Variants in NEMF observed in about 807,000 individuals in gnomAD.
The protein encoded by NEMF is nuclear export mediator factor.
A neutral mutation model predicts 162.2 loss-of-function variants in NEMF; 89 were observed. That is an observed-to-expected ratio of 0.55 (90% confidence interval 0.46 to 0.65). The LOEUF (loss-of-function observed/expected upper bound fraction) is 0.65. Among genes scored for constraint, NEMF ranks in the 30% least tolerant of loss-of-function variants. The pLI is 0.00. For synonymous variants in NEMF, 421 were observed against 404.5 expected (o/e 1.04, Z -0.49); for missense variants, 1,133 against 1,261.9 (o/e 0.90, Z 1.55).
intron 11 of NEMF, 70 bp from the exon 12 acceptor site, chr14:49,829,496 C>G: frequency 8.2e-7 from 1 of 1,226,236 alleles, no homozygotes; most frequent in Non-Finnish European, 1.2e-6. Flanking sequence ...CTCTTACTTC[C>G]CAACACTCAC....
chr14:49,838,679 G>T (rs1016745575), intron 5 of NEMF, among the ~76,000 whole-genome samples: 2 of 151,080 alleles, frequency 1.3e-5, no homozygotes, highest in Non-Finnish European at 2.9e-5. Context: ...CCGCCTCCTG[G>T]GTTCACGCCA....
Position 49,782,811 on chromosome 14 carries a change from T to G in NEMF, c.*1825A>C, listed in dbSNP as rs958708753. The G allele has an allele frequency of 2.5e-6, 4 of 1,606,612 alleles. No homozygotes were observed. Among genetic ancestry groups the G allele is most frequent in the Non-Finnish European group, 3.4e-6 (4 of 1,177,268 alleles). On this transcript the variant is annotated 3_prime_UTR_variant, in exon 33 of 33. Coordinates refer to ENST00000298310, the MANE Select transcript of NEMF (RefSeq NM_004713.6). ...ACAGTAAAGTGAAATTACTTTTCTCTTTCCTTGTCCACTTTCAGGCTAAGC... is the reference window on the plus strand; with the variant it reads ...ACAGTAAAGTGAAATTACTTTTCTCGTTCCTTGTCCACTTTCAGGCTAAGC...
intron 28 of NEMF, among the ~76,000 whole-genome samples, chr14:49,787,503 CAGGG>C (rs1453499715): frequency 6.6e-6 from 1 of 151,984 alleles, no homozygotes; most frequent in Non-Finnish European, 1.5e-5. Context: ...CTGGGCAACA[CAGGG>C]AGACCTCATC....
rs373601628 is a variant in NEMF at position 49,806,092 on chromosome 14, T to C, written c.1786A>G (p.Met596Val). The change falls in exon 19 of 33, where the codon ATG (methionine) becomes GTG (valine). Residue 596 changes from methionine (M) to valine (V), a missense_variant. Around this residue, in one of 3 missense-constraint regions of NEMF, gnomAD observed 532 missense variants for 578.6 expected, o/e 0.92. Coordinates refer to ENST00000298310, the MANE Select transcript of NEMF (RefSeq NM_004713.6). ...CAAGCAGCACTGTAGCAAAGTGCCATTGTGCCAGCTTCAGTCAAGGTCCGT... is the reference window on the plus strand; with the variant it reads ...CAAGCAGCACTGTAGCAAAGTGCCACTGTGCCAGCTTCAGTCAAGGTCCGT... ...PPRTLTEAGTMALCYSAAWDA... is the reference protein window; with the variant it reads ...PPRTLTEAGTVALCYSAAWDA... The C allele has an allele frequency of 1.2e-6, 2 of 1,612,400 alleles. No individual in the cohort carries two copies. The highest frequency in any genetic ancestry group is 2.7e-5 in the African/African-American group (2 of 74,456).
rs1002245521 is a variant in NEMF, at chr14:49,830,138, A to C, written c.946-712T>G. 4.6e-5 allele frequency among the ~76,000 whole-genome samples: 7 copies of C among 152,342 alleles called. No individual in the cohort carries two copies. In the East Asian group the frequency reaches 9.6e-4, roughly 21 times the overall value. ...ATATCATCAATTAATGAGTATTTAAATGCTAGATGAAATATTTTTTAAAAT... is the reference window on the plus strand; with the variant it reads ...ATATCATCAATTAATGAGTATTTAACTGCTAGATGAAATATTTTTTAAAAT... On this transcript the variant is annotated intron_variant, in intron 11 of 32. Coordinates refer to ENST00000298310, the MANE Select transcript of NEMF (RefSeq NM_004713.6).
At chr14:49,795,365 T>TGGGGGGGGGGGGG (rs1355656747) in intron 26 of NEMF, among the ~76,000 whole-genome samples, 1 of 26,762 alleles carries the variant, frequency 3.7e-5, no homozygotes, top group African/African-American at 1.4e-4. Context: ...GGTTGGGGGG[T>TGGGGGGGGGGGGG]GGGGAGGTGG....
At chr14:49,828,909 G>T in intron 13 of NEMF, 102 bp from the exon 14 acceptor site, 1 of 1,271,796 alleles carries the variant, frequency 7.9e-7, no homozygotes, top group Non-Finnish European at 1.1e-6. Flanking sequence ...AGTACTGGAA[G>T]TTTCATTATT....
intron 16 of NEMF, among the ~76,000 whole-genome samples, chr14:49,819,773 T>G (rs963507778): frequency 3.3e-5 from 5 of 152,144 alleles, no homozygotes; most frequent in Non-Finnish European, 7.4e-5. Flanking sequence ...TTGATGTCCC[T>G]GAGGTAGAGC....
chr14:49,795,660 T>A (rs1028071469), intron 26 of NEMF, 131 bp downstream of exon 26: 1 of 784,800 alleles, frequency 1.3e-6, no homozygotes, highest in Non-Finnish European at 2.0e-6. Flanking sequence ...TCTACTCAAC[T>A]AATTTTTAGT....
chr14:49,796,474 A>ATT, intron 25 of NEMF: 18 of 246,330 alleles, frequency 7.3e-5, no homozygotes, highest in South Asian at 1.2e-4. Context: ...CATACTCTGA[A>ATT]TTTTTTTTTT....
At position 49,784,501 on chromosome 14, in the gene NEMF, T is replaced by C; in HGVS notation, c.*135A>G. On this transcript the variant is annotated 3_prime_UTR_variant, in exon 33 of 33. Transcript: ENST00000298310. Reference sequence around the variant, plus strand: ...CTGGGAAAAAACAAGAAGTAAGTCCTTTTGGTGAATATAGCAAGGCAATGT... The same window carrying C: ...CTGGGAAAAAACAAGAAGTAAGTCCCTTTGGTGAATATAGCAAGGCAATGT... 1 of 623,086 alleles carries C rather than the reference T, an allele frequency of 1.6e-6. No individual in the cohort carries two copies. The highest frequency in any genetic ancestry group is 2.8e-6 in the Non-Finnish European group (1 of 358,050). 38.6% of individuals were successfully genotyped at this position (623,086 alleles called of 1,614,324 possible). A position where few individuals can be genotyped will look rare whatever the true frequency, so the allele number is the denominator to read the frequency against.
intron 4 of NEMF, among the ~76,000 whole-genome samples, chr14:49,845,015 C>T (rs991922093): frequency 2.0e-5 from 3 of 152,092 alleles, no homozygotes; most frequent in East Asian, 1.9e-4. Flanking sequence ...GTGATCCACT[C>T]GCCTTGGCCT....
chr14:49,843,724 C>G (rs1286856370), intron 4 of NEMF, among the ~76,000 whole-genome samples: 2 of 152,138 alleles, frequency 1.3e-5, no homozygotes, highest in Non-Finnish European at 2.9e-5. Context: ...ATACTGTAGT[C>G]AACTGTAATA....
Position 49,828,337 on chromosome 14 carries a change from C to T in NEMF, c.1442G>A (p.Arg481Lys), listed in dbSNP as rs1892464317. ...ANAKKYYDHKRYAAKKTQKTV... is the reference protein window; with the variant it reads ...ANAKKYYDHKKYAAKKTQKTV... ...CTTTTGTGTTTTCTTAGCAGCATAT[C>T]TCTTGTGATCATAATACCTAGAAAA... The change falls in exon 15 of 33, where the codon AGA (arginine) becomes AAA (lysine). Residue 481 changes from arginine to lysine, a missense_variant. Physicochemically the swap from Arg to Lys is conservative, Grantham distance 26. Coordinates refer to ENST00000298310, the MANE Select transcript of NEMF (RefSeq NM_004713.6). 1 of 1,592,706 alleles carries T rather than the reference C, an allele frequency of 6.3e-7. No homozygotes were observed. The highest frequency in any genetic ancestry group is 1.3e-5 in the African/African-American group (1 of 74,160).
intron 16 of NEMF, among the ~76,000 whole-genome samples, chr14:49,825,398 G>A (rs775896930): frequency 3.3e-5 from 5 of 152,148 alleles, no homozygotes; most frequent in African/African-American, 4.8e-5. Context: ...AACTAAAAGA[G>A]CTAAAAGTGG....
intron 18 of NEMF, among the ~76,000 whole-genome samples, chr14:49,809,316 C>G (rs917629339): frequency 2.0e-5 from 3 of 151,994 alleles, no homozygotes; most frequent in Admixed American, 2.0e-4. Flanking sequence ...ATCCAGACAA[C>G]TGAATATTAT....
chr14:49,799,407 TAGCTG>T (rs986801320), intron 25 of NEMF, 63 bp downstream of exon 25: 56 of 1,294,014 alleles, frequency 4.3e-5, no homozygotes, highest in Middle Eastern at 5.2e-4. Flanking sequence ...TAATCTGTGG[TAGCTG>T]AGCTATCAAT....
At position 49,782,620 on chromosome 14, in the gene NEMF, A is replaced by T; in HGVS notation, c.*2016T>A. On this transcript the variant is annotated 3_prime_UTR_variant, in exon 33 of 33. Coordinates refer to ENST00000298310, the MANE Select transcript of NEMF (RefSeq NM_004713.6). ...GTAAGTAACTTTGTACTTGGCACTTAGATTATTTAAAATTGTGTTTCCTAA... is the reference window on the plus strand; with the variant it reads ...GTAAGTAACTTTGTACTTGGCACTTTGATTATTTAAAATTGTGTTTCCTAA... The T allele has an allele frequency of 6.4e-7, 1 of 1,560,326 alleles. No homozygotes were observed. Among genetic ancestry groups the T allele is most frequent in the African/African-American group, 1.4e-5 (1 of 73,050 alleles).
At chr14:49,852,611 T>G in intron 1 of NEMF, 84 bp downstream of exon 1, 1 of 1,443,586 alleles carries the variant, frequency 6.9e-7, no homozygotes, top group East Asian at 2.3e-5. Context: ...AGGAAACATA[T>G]CAAGCTGGTC....
Sources: gnomAD v4.1 joint callset for allele counts (sites outside exome capture counted in the v4.1 genomes callset) on GRCh38, gnomAD v4.1.1 for gene constraint, gnomAD v4.1.1 regional missense constraint, MANE v1.5 for transcripts, NCBI Gene and HGNC (gene_info 2026-07-23, HGNC 2026-07-21) for gene names.